S100A8: variants seen among roughly 807,000 people sequenced by gnomAD.
The protein encoded by S100A8 is S100 calcium binding protein A8.
S100A8 carries 1 observed loss-of-function variant against 4.2 expected under a neutral mutation model. That is an observed-to-expected ratio of 0.24 (90% CI 0.08 to 1.12). The LOEUF is 1.12. Ranked by LOEUF, S100A8 falls within the 50% of genes most tolerant of loss-of-function variation. The pLI, the probability that S100A8 is intolerant of heterozygous loss-of-function variation, is 0.53. For missense variants in S100A8, 96 were observed against 111.8 expected, an observed-to-expected ratio of 0.86 and a Z score of 0.64; for synonymous variants, 41 against 44.7, an observed-to-expected ratio of 0.92 and a Z score of 0.33.
Position 153,390,220 on chromosome 1 carries a change from G to C in S100A8, c.165C>G (p.Phe55Leu). ...YIRKKGADVW[F>L]KELDINTDGA... ...CATCAGTGTTGATATCCAACTCTTT[G>C]AACCAGACGTCTGCACCCTTTTTCT... The change falls in exon 3 of 3, where the codon TTC becomes TTG. Residue 55 changes from phenylalanine to leucine, a missense_variant. Physicochemically the swap from Phe to Leu is conservative, Grantham distance 22. Transcript: ENST00000368733. 1 of 1,613,196 alleles carries C rather than the reference G, an allele frequency of 6.2e-7. No homozygotes were observed. The highest frequency in any genetic ancestry group is 8.5e-7 in the Non-Finnish European group (1 of 1,179,314).
the S100A8 span, among the ~76,000 whole-genome samples, chr1:153,400,584 C>T: frequency 6.6e-6 from 1 of 152,224 alleles, no homozygotes; most frequent in African/African-American, 2.4e-5. Context: ...CCGAAGCCAA[C>T]AGCTTTTCCA....
the S100A8 span, among the ~76,000 whole-genome samples, chr1:153,415,780 C>A: frequency 6.6e-6 from 1 of 152,176 alleles, no homozygotes; most frequent in Non-Finnish European, 1.5e-5. Flanking sequence ...GTCCCCCCAC[C>A]TAAATCCAGG....
chr1:153,405,445 C>T, the S100A8 span, among the ~76,000 whole-genome samples: 2 of 151,128 alleles, frequency 1.3e-5, no homozygotes, highest in South Asian at 2.2e-4. Flanking sequence ...TCCTGCCTAA[C>T]CACCTGACCG....
chr1:153,402,220 T>C, the S100A8 span, among the ~76,000 whole-genome samples: 42 of 152,270 alleles, frequency 2.8e-4, no homozygotes, highest in Middle Eastern at 3.4e-3. Context: ...TCCATGGGCT[T>C]TACATCCACC....
the S100A8 span, among the ~76,000 whole-genome samples, chr1:153,412,165 G>A: frequency 5.0e-4 from 76 of 152,234 alleles, no homozygotes; most frequent in African/African-American, 1.7e-3. Flanking sequence ...CTTCTGCATA[G>A]CAAAAGAAAC....
the S100A8 span, among the ~76,000 whole-genome samples, chr1:153,409,910 A>G: frequency 6.6e-6 from 1 of 152,272 alleles, no homozygotes; most frequent in African/African-American, 2.4e-5. Context: ...AGGCAGAAAT[A>G]AAGATGCTCT....
chr1:153,391,170 C>T (rs1211548411), upstream of S100A8: 7 of 985,412 alleles, frequency 7.1e-6, no homozygotes, highest in Middle Eastern at 5.2e-4. Context: ...GCCAGAGTTG[C>T]TACAGTCTCT....
upstream of S100A8, among the ~76,000 whole-genome samples, chr1:153,393,212 A>T (rs562006045): frequency 2.6e-5 from 4 of 152,164 alleles, no homozygotes; most frequent in Admixed American, 1.3e-4. Flanking sequence ...CTCAGGCATC[A>T]TCTGCTCCAA....
At chr1:153,413,064 C>G in the S100A8 span, among the ~76,000 whole-genome samples, 1 of 152,152 alleles carries the variant, frequency 6.6e-6, no homozygotes, top group Admixed American at 6.5e-5. Context: ...AGCACACCAA[C>G]ATGGCACATG....
At chr1:153,420,738 C>T in the S100A8 span, 3 of 152,268 alleles carry the variant, frequency 2.0e-5, no homozygotes, top group Admixed American at 6.5e-5. Flanking sequence ...CTCTCCCTTT[C>T]TCATTCTCAT....
At chr1:153,393,734 A>G (rs1218332048), upstream of S100A8, among the ~76,000 whole-genome samples, 4 of 152,208 alleles carry the variant, frequency 2.6e-5, no homozygotes, top group African/African-American at 7.2e-5. Flanking sequence ...CACCTGCCTC[A>G]AAGCACCATA....
At chr1:153,417,165 T>A in the S100A8 span, 1 of 152,330 alleles carries the variant, frequency 6.6e-6, no homozygotes. Flanking sequence ...TTAGCCAAGG[T>A]CCTTTTCTGG....
the S100A8 span, among the ~76,000 whole-genome samples, chr1:153,416,912 C>G: frequency 6.6e-6 from 1 of 152,250 alleles, no homozygotes; most frequent in African/African-American, 2.4e-5. Flanking sequence ...CCCTCCCCAG[C>G]TCTGCCCCCA....
At chr1:153,406,651 A>G in the S100A8 span, among the ~76,000 whole-genome samples, 2 of 152,222 alleles carry the variant, frequency 1.3e-5, no homozygotes, top group African/African-American at 2.4e-5. Flanking sequence ...CTAGAGACCC[A>G]GGAGTATGTT....
the S100A8 span, among the ~76,000 whole-genome samples, chr1:153,413,674 G>C: frequency 6.6e-6 from 1 of 152,316 alleles, no homozygotes; most frequent in East Asian, 1.9e-4. Context: ...GCCGAGATGA[G>C]TGGATCGCTT....
the S100A8 span, among the ~76,000 whole-genome samples, chr1:153,410,242 T>C: frequency 6.6e-6 from 1 of 151,566 alleles, no homozygotes; most frequent in South Asian, 2.1e-4. Flanking sequence ...GCAAGACTAA[T>C]AAAGAAGAAA....
the S100A8 span, among the ~76,000 whole-genome samples, chr1:153,411,640 T>G: frequency 6.6e-6 from 1 of 152,118 alleles, no homozygotes; most frequent in Non-Finnish European, 1.5e-5. Flanking sequence ...ACTTTAAAAT[T>G]CATATGGAAC....
At chr1:153,415,160 TTGTGTGTGTGTTTGTG>T in the S100A8 span, among the ~76,000 whole-genome samples, 1 of 151,388 alleles carries the variant, frequency 6.6e-6, no homozygotes, top group Non-Finnish European at 1.5e-5. Flanking sequence ...ATGTGTGCGT[TTGTGTGTGTGTTTGTG>T]TGTGTGTGCG....
upstream of S100A8, among the ~76,000 whole-genome samples, chr1:153,392,321 T>C (rs1662118556): frequency 6.6e-6 from 1 of 152,206 alleles, no homozygotes; most frequent in Non-Finnish European, 1.5e-5. Flanking sequence ...ACTACTTCTT[T>C]TAAAACCCAG....
Sources: gnomAD v4.1 joint callset for allele counts (sites outside exome capture counted in the v4.1 genomes callset) on GRCh38, gnomAD v4.1.1 for gene constraint, MANE v1.5 for transcripts, NCBI Gene and HGNC (gene_info 2026-07-23, HGNC 2026-07-21) for gene names.